MEIS2: variants seen among roughly 807,000 people sequenced by gnomAD.
The protein encoded by MEIS2 is homeobox protein Meis2.
In MEIS2, 9 loss-of-function variants were observed where a neutral mutation model predicts 58.6. The observed-to-expected ratio is 0.15, with a 90% CI of 0.09 to 0.27. MEIS2 has a LOEUF of 0.27. MEIS2 is among the 10% of genes least tolerant of loss of function. MEIS2 has a pLI of 1.00. For synonymous variants in MEIS2, 221 were observed against 228.4 expected (o/e 0.97, Z 0.29); for missense variants, 427 against 635.0 (o/e 0.67, Z 3.52).
At chr15:37,088,721 C>T (rs190329947) in intron 6 of MEIS2, among the ~76,000 whole-genome samples, 1 of 152,258 alleles carries the variant, frequency 6.6e-6, no homozygotes, top group African/African-American at 2.4e-5. Flanking sequence ...AAGCAACTCT[C>T]ACAGAAGTGG....
rs752696081 is a variant in MEIS2, at chr15:36,950,386, G to A, written c.915C>T (p.Ser305=). Residue 305 remains serine (S), a synonymous_variant, in exon 9 of 12, where the codon TCC becomes TCT. Coordinates refer to ENST00000561208, the MANE Select transcript of MEIS2 (RefSeq NM_170675.5). ...LFQHLTHPYP[S]EEQKKQLAQD... ...GCGCTAACTGTTTCTTCTGCTCTTC[G>A]GAAGGGTACGGATGCTAATGGAAAA... The A allele has an allele frequency of 5.0e-6, 8 of 1,612,506 alleles. No homozygotes were observed. Among genetic ancestry groups the A allele is most frequent in the East Asian group, 2.2e-5 (1 of 44,852 alleles).
At chr15:36,970,678 A>G (rs1032667293) in intron 8 of MEIS2, among the ~76,000 whole-genome samples, 6 of 152,184 alleles carry the variant, frequency 3.9e-5, no homozygotes, top group Admixed American at 3.9e-4. Context: ...CCCCATCATA[A>G]ATTCATAAAG....
intron 9 of MEIS2, chr15:36,898,127 GA>G (rs1328085598): frequency 2.6e-5 from 4 of 152,190 alleles, no homozygotes; most frequent in African/African-American, 9.7e-5. Context: ...AAAAGAAAGT[GA>G]TCAGCTATGT....
At chr15:36,964,257 T>C (rs976943818) in intron 8 of MEIS2, among the ~76,000 whole-genome samples, 1 of 152,370 alleles carries the variant, frequency 6.6e-6, no homozygotes, top group East Asian at 1.9e-4. Context: ...TTCTCTTCTG[T>C]GTTCCGTTCA....
intron 9 of MEIS2, among the ~76,000 whole-genome samples, chr15:36,910,799 C>A (rs1344256430): frequency 3.3e-5 from 5 of 152,194 alleles, no homozygotes; most frequent in Non-Finnish European, 7.3e-5. Flanking sequence ...GTAATCCCAG[C>A]ACTTTGGGAG....
At chr15:36,942,044 C>G (rs892032343) in intron 9 of MEIS2, among the ~76,000 whole-genome samples, 1 of 152,074 alleles carries the variant, frequency 6.6e-6, no homozygotes, top group African/African-American at 2.4e-5. Flanking sequence ...TCTAGAGACA[C>G]AGGGAAATCT....
intron 8 of MEIS2, among the ~76,000 whole-genome samples, chr15:37,002,890 G>C (rs1448632235): frequency 6.6e-6 from 1 of 152,090 alleles, no homozygotes. Context: ...TTTCTAAGAA[G>C]ACAGTGCTAC....
intron 7 of MEIS2, among the ~76,000 whole-genome samples, chr15:37,039,908 A>G (rs4989607): frequency 0.18 from 27,821 of 152,200 alleles, 3,418 homozygotes; most frequent in Admixed American, 0.36. Context: ...TTTTTCCTCC[A>G]ATGGACTGTG....
At chr15:36,904,159 T>G (rs917098897) in intron 9 of MEIS2, 1 of 152,124 alleles carries the variant, frequency 6.6e-6, no homozygotes, top group Non-Finnish European at 1.5e-5. Context: ...CTATTTTACT[T>G]TCTTTCCTAA....
intron 8 of MEIS2, among the ~76,000 whole-genome samples, chr15:36,986,680 C>A (rs1032312510): frequency 3.3e-5 from 5 of 152,330 alleles, no homozygotes; most frequent in Admixed American, 6.5e-5. Context: ...CCCAACTCCA[C>A]AAGGCTCCTC....
intron 8 of MEIS2, among the ~76,000 whole-genome samples, chr15:36,982,308 T>C (rs965388395): frequency 6.6e-6 from 1 of 152,164 alleles, no homozygotes; most frequent in Non-Finnish European, 1.5e-5. Context: ...TGAAACATTG[T>C]ACCCATTTCT....
intron 8 of MEIS2, among the ~76,000 whole-genome samples, chr15:36,982,572 T>C (rs2059962703): frequency 6.6e-6 from 1 of 152,214 alleles, no homozygotes; most frequent in South Asian, 2.1e-4. Flanking sequence ...CTTAGTTTGA[T>C]TCCACATCTT....
rs953178821 is a variant in MEIS2, at chr15:36,895,381, AT to A, written c.1037-121del. ...CAACAATGTGGTTGGCACTCTACAA[AT>A]GGGGGTGTGGTTTGTCTGAGTGTCT... On this transcript the variant is annotated intron_variant, in intron 10 of 11. Transcript: ENST00000561208. 38 of 779,662 alleles carry A rather than the reference AT, an allele frequency of 4.9e-5. No individual in the cohort carries two copies. In the East Asian group the frequency reaches 5.4e-4, roughly 11 times the overall value. 48.3% of individuals were successfully genotyped at this position (779,662 alleles called of 1,614,324 possible).
intron 8 of MEIS2, among the ~76,000 whole-genome samples, chr15:37,022,081 AT>A (rs2061543783): frequency 6.6e-6 from 1 of 152,118 alleles, no homozygotes; most frequent in South Asian, 2.1e-4. Context: ...ATTTTGCATA[AT>A]TTTTGTGTAC....
chr15:37,031,814 T>TG lies in MEIS2; in HGVS notation c.900+4999_900+5000insC, dbSNP rs1491426236. On this transcript the variant is annotated intron_variant, in intron 8 of 11. Transcript: ENST00000561208. ...AGCTGCATACATAATATTACATCACTTTGTGTGTGTGTGTGTGTGTGTGTG... is the reference window on the plus strand; with the variant it reads ...AGCTGCATACATAATATTACATCACTGTTGTGTGTGTGTGTGTGTGTGTGTG... Among the ~76,000 whole-genome samples, 315 of 133,656 alleles carry TG rather than the reference T, an allele frequency of 2.4e-3. 2 individuals carry two copies. Among genetic ancestry groups the TG allele is most frequent in the African/African-American group, 7.7e-3 (272 of 35,478 alleles). The allele number at this position is 133,656 out of a possible 152,430, so 87.7% of individuals were successfully genotyped here. A position where few individuals can be genotyped will look rare whatever the true frequency, so the allele number is the denominator to read the frequency against.
intron 7 of MEIS2, among the ~76,000 whole-genome samples, chr15:37,051,151 A>G (rs2062902079): frequency 6.6e-6 from 1 of 152,194 alleles, no homozygotes; most frequent in South Asian, 2.1e-4. Flanking sequence ...TTCATACACA[A>G]CATCTAGCCT....
At position 37,013,882 on chromosome 15, in the gene MEIS2, C is replaced by T. The variant is rs1483550897; in HGVS notation, c.900+22932G>A. Reference sequence around the variant, plus strand: ...TACTCCTCTTTCCAGTATAAGCAGGCCACCTTACAGTATACTTGTGACAGT... The same window carrying T: ...TACTCCTCTTTCCAGTATAAGCAGGTCACCTTACAGTATACTTGTGACAGT... On this transcript the variant is annotated intron_variant, in intron 8 of 11. Transcript: ENST00000561208. Among the ~76,000 whole-genome samples the T allele has an allele frequency of 4.6e-5, 7 of 152,136 alleles. No homozygotes were observed. In the East Asian group the frequency reaches 1.4e-3, roughly 29 times the overall value.
rs149346724 is a variant in MEIS2 at position 36,978,534 on chromosome 15, T to C, written c.901-28134A>G. The stretch of plus-strand genomic sequence containing the variant: ...ATTTTAAAATGCTAAGAAAATGTAC[T>C]AATTACCCAAATAATGAAGGTTTAC... On this transcript the variant is annotated intron_variant, in intron 8 of 11. Coordinates refer to ENST00000561208, the MANE Select transcript of MEIS2 (RefSeq NM_170675.5). 1.2e-3 allele frequency among the ~76,000 whole-genome samples: 190 copies of C among 152,328 alleles called. 4 individuals are homozygous for C. The East Asian group carries it at 0.029, about 24-fold the overall frequency.
intron 6 of MEIS2, among the ~76,000 whole-genome samples, chr15:37,090,471 A>G (rs578146304): frequency 6.6e-6 from 1 of 152,288 alleles, no homozygotes; most frequent in South Asian, 2.1e-4. Context: ...GGATTTACTA[A>G]TAATATATAA....
Sources: gnomAD v4.1 joint callset for allele counts (sites outside exome capture counted in the v4.1 genomes callset) on GRCh38, gnomAD v4.1.1 for gene constraint, MANE v1.5 for transcripts, NCBI Gene and HGNC (gene_info 2026-07-23, HGNC 2026-07-21) for gene names.